Variants in PXDNL observed in about 807,000 individuals in gnomAD.
PXDNL encodes the protein peroxidasin like.
Under a neutral mutation model 150.8 loss-of-function variants are expected in PXDNL, and 145 were observed. The observed-to-expected ratio is 0.96, with a 90% CI of 0.84 to 1.10. PXDNL has a LOEUF of 1.10. PXDNL is among the 50% of genes least tolerant of loss of function. PXDNL has a pLI of 0.00. For synonymous variants in PXDNL, 757 were observed against 725.7 expected (o/e 1.04, Z -0.69); for missense variants, 2,087 against 1,873.9 (o/e 1.11, Z -2.10).
intron 6 of PXDNL, among the ~76,000 whole-genome samples, chr8:51,482,436 G>A (rs1258122146): frequency 6.6e-6 from 1 of 152,286 alleles, no homozygotes; most frequent in African/African-American, 2.4e-5. Context: ...TGAAACTTTG[G>A]ACTGTGGACT....
chr8:51,457,583 G>A lies in PXDNL; in HGVS notation c.897C>T (p.Asp299=). The A allele has an allele frequency of 1.2e-6, 2 of 1,613,800 alleles. No homozygotes were observed. The highest frequency in any genetic ancestry group is 1.7e-6 in the Non-Finnish European group (2 of 1,179,784). ...TGGCCATGCACTGATAGACACCTTGGTCTGACTCTCTGGTGTTTCGGATCA... is the reference window on the plus strand; with the variant it reads ...TGGCCATGCACTGATAGACACCTTGATCTGACTCTCTGGTGTTTCGGATCA... The part of the protein sequence containing the change: ...TLMIRNTRES[D]QGVYQCMARN... Residue 299 remains aspartate, a synonymous_variant, in exon 9 of 23, where the codon GAC becomes GAT. Transcript: ENST00000356297.
chr8:51,564,710 T>A (rs576074764), intron 3 of PXDNL, among the ~76,000 whole-genome samples: 146 of 151,958 alleles, frequency 9.6e-4, no homozygotes, highest in African/African-American at 3.3e-3. Flanking sequence ...CAGGGAGTCA[T>A]GAAATTAGGA....
At chr8:51,578,199 G>C (rs1199623805) in intron 3 of PXDNL, among the ~76,000 whole-genome samples, 1 of 151,836 alleles carries the variant, frequency 6.6e-6, no homozygotes, top group Non-Finnish European at 1.5e-5. Context: ...CCTGTTTACA[G>C]ATAATATGCT....
At chr8:51,764,277 T>G (rs2037200689) in intron 1 of PXDNL, among the ~76,000 whole-genome samples, 1 of 152,006 alleles carries the variant, frequency 6.6e-6, no homozygotes, top group South Asian at 2.1e-4. Context: ...TTTGTTGATT[T>G]TGTCTATTTT....
At chr8:51,519,129 T>C (rs879049157) in intron 4 of PXDNL, among the ~76,000 whole-genome samples, 1 of 152,236 alleles carries the variant, frequency 6.6e-6, no homozygotes, top group Admixed American at 6.5e-5. Flanking sequence ...AAAATTGTCA[T>C]TGGTAGTTTT....
chr8:51,770,259 G>A (rs1340133632), intron 1 of PXDNL, among the ~76,000 whole-genome samples: 1 of 152,168 alleles, frequency 6.6e-6, no homozygotes, highest in Admixed American at 6.5e-5. Context: ...TTGGCTTACT[G>A]TGCAACAGGC....
Position 51,409,346 on chromosome 8 carries a change from C to T in PXDNL, c.2278G>A (p.Gly760Ser), listed in dbSNP as rs1229996178. 4 of 1,510,788 alleles carry T rather than the reference C, an allele frequency of 2.6e-6. No individual in the cohort carries two copies. The highest frequency in any genetic ancestry group is 1.4e-5 in the African/African-American group (1 of 69,538). The allele number at this position is 1,510,788 out of a possible 1,614,324, so 93.6% of individuals were successfully genotyped here. A position where few individuals can be genotyped will look rare whatever the true frequency, so the allele number is the denominator to read the frequency against. The change falls in exon 17 of 23, where the codon GGC becomes AGC. Residue 760 changes from glycine to serine, a missense_variant. Gly to Ser is a moderately conservative substitution (Grantham distance 56). Coordinates refer to ENST00000356297, the MANE Select transcript of PXDNL (RefSeq NM_144651.5). ...CCGAGCCCGCGGGGCGCGCGGATGCCGTCCCGGTAGGCTGGCTGCAGCAGG... is the reference window on the plus strand; with the variant it reads ...CCGAGCCCGCGGGGCGCGCGGATGCTGTCCCGGTAGGCTGGCTGCAGCAGG... The part of the protein sequence containing the change: ...ARLLQPAYRD[G>S]IRAPRGLGLP...
intron 17 of PXDNL, among the ~76,000 whole-genome samples, chr8:51,396,030 G>T (rs1808071238): frequency 6.6e-6 from 1 of 152,190 alleles, no homozygotes; most frequent in South Asian, 2.1e-4. Context: ...TCTTGCTACA[G>T]GTACTGACAC....
intron 3 of PXDNL, among the ~76,000 whole-genome samples, chr8:51,565,671 C>T (rs1414694409): frequency 6.6e-6 from 1 of 151,782 alleles, no homozygotes; most frequent in African/African-American, 2.4e-5. Flanking sequence ...TCAATGTACA[C>T]ATAATTTGTC....
intron 1 of PXDNL, among the ~76,000 whole-genome samples, chr8:51,790,648 G>A (rs1337956905): frequency 1.3e-5 from 2 of 152,084 alleles, no homozygotes; most frequent in Non-Finnish European, 2.9e-5. Context: ...AGCTCTCTGC[G>A]ACACTGTCCT....
At chr8:51,648,291 T>A (rs968357290) in intron 2 of PXDNL, among the ~76,000 whole-genome samples, 1 of 152,234 alleles carries the variant, frequency 6.6e-6, no homozygotes, top group Non-Finnish European at 1.5e-5. Flanking sequence ...TTCGGGGATG[T>A]GATTAAATTA....
At position 51,447,032 on chromosome 8, in the gene PXDNL, CA is replaced by C. The variant is rs1459239558; in HGVS notation, c.1496del (p.Val499GlyfsTer5). ...TGGGTTTTACAGTCAGCTGCACAGA[CA>C]CCTTTTTCACCCCCAACGAACTGAC... ...QAVSSLGVKK[V>X]SVQLTVKPKA... On this transcript the variant is annotated frameshift_variant, in exon 12 of 23. Coordinates refer to ENST00000356297, the MANE Select transcript of PXDNL (RefSeq NM_144651.5). LOFTEE classifies it high-confidence loss of function. The C allele has an allele frequency of 9.9e-6, 16 of 1,613,838 alleles. 1 individual carries two copies. Among genetic ancestry groups the C allele is most frequent in the Middle Eastern group, 1.6e-4 (1 of 6,084 alleles).
intron 1 of PXDNL, among the ~76,000 whole-genome samples, chr8:51,733,944 T>C (rs1056048534): frequency 1.3e-5 from 2 of 150,980 alleles, no homozygotes; most frequent in East Asian, 3.9e-4. Flanking sequence ...TTGAGTAACA[T>C]ATCTGCAAAA....
At chr8:51,607,112 CT>C (rs1421259134) in intron 2 of PXDNL, among the ~76,000 whole-genome samples, 1 of 152,182 alleles carries the variant, frequency 6.6e-6, no homozygotes, top group Admixed American at 6.5e-5. Context: ...TGATCCACAT[CT>C]TTAACTGAAC....
chr8:51,727,608 C>T (rs182572948), intron 1 of PXDNL, among the ~76,000 whole-genome samples: 91 of 152,146 alleles, frequency 6.0e-4, no homozygotes, highest in African/African-American at 2.0e-3. Context: ...TGTAAGCAAA[C>T]TGAAACTTGA....
intron 8 of PXDNL, among the ~76,000 whole-genome samples, chr8:51,460,729 C>T (rs530589521): frequency 6.6e-5 from 10 of 152,058 alleles, no homozygotes; most frequent in Admixed American, 2.6e-4. Flanking sequence ...AGAGATCCCA[C>T]GACCCCCATA....
intron 1 of PXDNL, among the ~76,000 whole-genome samples, chr8:51,665,012 G>A (rs1357494349): frequency 6.6e-6 from 1 of 152,188 alleles, no homozygotes; most frequent in East Asian, 1.9e-4. Context: ...CGCACAGGAG[G>A]TCAGGAGACG....
At chr8:51,436,260 G>A in intron 12 of PXDNL, 1 of 507,314 alleles carries the variant, frequency 2.0e-6, no homozygotes, top group Non-Finnish European at 4.0e-6. Flanking sequence ...GGTTTCAGAA[G>A]TTTTATATCA....
At chr8:51,804,221 A>G (rs1401460714) in intron 1 of PXDNL, among the ~76,000 whole-genome samples, 2 of 152,234 alleles carry the variant, frequency 1.3e-5, no homozygotes, top group East Asian at 1.9e-4. Context: ...TCATACATAG[A>G]TAAGAAACAA....
Sources: allele counts gnomAD v4.1 joint callset (sites outside exome capture counted in the v4.1 genomes callset), GRCh38; gene constraint gnomAD v4.1.1; transcripts MANE v1.5; gene names NCBI Gene and HGNC (gene_info 2026-07-23, HGNC 2026-07-21).